The following EEF1AKMT2 variants were observed in gnomAD, a reference collection of about 807,000 sequenced individuals.
The protein encoded by EEF1AKMT2 is EEF1A lysine methyltransferase 2.
EEF1AKMT2 carries 32 observed loss-of-function variants against 35.8 expected under a neutral mutation model. The ratio of observed to expected loss-of-function variants is 0.89; its 90% CI spans 0.67 to 1.20. The LOEUF is 1.20. Ranked by LOEUF, EEF1AKMT2 falls within the 50% of genes most tolerant of loss-of-function variation. The pLI is 0.00. For synonymous variants in EEF1AKMT2, 121 were observed against 133.7 expected (o/e 0.91, Z 0.65); for missense variants, 330 against 347.5 (o/e 0.95, Z 0.40).
chr10:124,769,231 A>AT (rs1259845748), intron 4 of EEF1AKMT2, among the ~76,000 whole-genome samples: 3 of 11,274 alleles, frequency 2.7e-4, no homozygotes, highest in African/African-American at 3.2e-4. Context: ...AAAAAAAAAA[A>AT]AAATATATAT....
At chr10:124,791,684 G>T (rs1950635991) in intron 1 of EEF1AKMT2, 40 bp downstream of exon 1, 3 of 1,547,698 alleles carry the variant, frequency 1.9e-6, no homozygotes, top group African/African-American at 2.7e-5. Context: ...CCCAGGCAGG[G>T]CGGCACGGCT....
chr10:124,783,344 A>G (rs1409209256), intron 3 of EEF1AKMT2, among the ~76,000 whole-genome samples: 1 of 152,040 alleles, frequency 6.6e-6, no homozygotes, highest in African/African-American at 2.4e-5. Flanking sequence ...GGGTTTCACC[A>G]TGATGGCCAG....
intron 4 of EEF1AKMT2, among the ~76,000 whole-genome samples, chr10:124,772,801 C>A (rs565990468): frequency 1.4e-4 from 22 of 152,174 alleles, no homozygotes; most frequent in Non-Finnish European, 2.8e-4. Flanking sequence ...AGCTTCTTCA[C>A]CTCTCTCAGC....
intron 6 of EEF1AKMT2, among the ~76,000 whole-genome samples, chr10:124,760,846 G>A (rs548558792): frequency 6.6e-6 from 1 of 152,294 alleles, no homozygotes; most frequent in South Asian, 2.1e-4. Flanking sequence ...GTAGGAAGCA[G>A]CTAGCATGTG....
At position 124,774,489 on chromosome 10, in the gene EEF1AKMT2, T is replaced by C. The variant is rs945669123; in HGVS notation, c.399+186A>G. Reference sequence around the variant, plus strand: ...AGGAGCAGTAGTGTATGAACAAACATACAGAAGAAAAAATAATTTCCCCAA... The same window carrying C: ...AGGAGCAGTAGTGTATGAACAAACACACAGAAGAAAAAATAATTTCCCCAA... On this transcript the variant is annotated intron_variant, in intron 4 of 6. Coordinates refer to ENST00000368836, the MANE Select transcript of EEF1AKMT2 (RefSeq NM_212554.4). 8.4e-5 allele frequency among the ~76,000 whole-genome samples: 12 copies of C among 142,358 alleles called. 1 individual carries two copies. Among genetic ancestry groups the C allele is most frequent in the African/African-American group, 3.1e-4 (12 of 38,540 alleles). 93.4% of individuals were successfully genotyped at this position (142,358 alleles called of 152,430 possible).
intron 1 of EEF1AKMT2, among the ~76,000 whole-genome samples, chr10:124,791,156 C>T (rs1193457897): frequency 6.6e-6 from 1 of 152,166 alleles, no homozygotes; most frequent in Non-Finnish European, 1.5e-5. Context: ...CTCTCCCCAA[C>T]TGTTCCCTGC....
At chr10:124,787,433 CAA>C (rs398015024) in intron 3 of EEF1AKMT2, among the ~76,000 whole-genome samples, 2 of 37,426 alleles carry the variant, frequency 5.3e-5, no homozygotes, top group African/African-American at 1.4e-4. Flanking sequence ...GACTCTGTCT[CAA>C]AAAAAAAAAA....
At chr10:124,760,531 T>C (rs1305353638) in intron 6 of EEF1AKMT2, 28 bp from the exon 7 acceptor site, 1 of 1,574,712 alleles carries the variant, frequency 6.4e-7, no homozygotes, top group African/African-American at 1.3e-5. Context: ...AATACTTTTA[T>C]TAAGAATTGA....
rs142443415 is a variant in EEF1AKMT2, at chr10:124,777,968, C to T, written c.292-3186G>A. 1.5e-4 allele frequency among the ~76,000 whole-genome samples: 22 copies of T among 151,630 alleles called. No homozygotes were observed. In the East Asian group the frequency reaches 3.1e-3, roughly 21 times the overall value. ...TATATATACATACACACACACACAACCCTCTATATCCACAGGGGTTCGAGA... is the reference window on the plus strand; with the variant it reads ...TATATATACATACACACACACACAATCCTCTATATCCACAGGGGTTCGAGA... On this transcript the variant is annotated intron_variant, in intron 3 of 6. Coordinates refer to ENST00000368836, the MANE Select transcript of EEF1AKMT2 (RefSeq NM_212554.4).
At chr10:124,768,061 G>GAACCAA (rs1292600942) in intron 4 of EEF1AKMT2, among the ~76,000 whole-genome samples, 1 of 152,198 alleles carries the variant, frequency 6.6e-6, no homozygotes, top group Non-Finnish European at 1.5e-5. Context: ...TTATGAGAAT[G>GAACCAA]AACCAAACAT....
At chr10:124,781,804 G>C (rs1186566219) in intron 3 of EEF1AKMT2, among the ~76,000 whole-genome samples, 1 of 148,900 alleles carries the variant, frequency 6.7e-6, no homozygotes. Flanking sequence ...TAAATATCTA[G>C]GTGAATATAA....
chr10:124,761,105 T>C (rs891129170), intron 6 of EEF1AKMT2, among the ~76,000 whole-genome samples: 1 of 152,218 alleles, frequency 6.6e-6, no homozygotes, highest in Non-Finnish European at 1.5e-5. Context: ...TGATCTCAAG[T>C]GATCCACCCA....
At chr10:124,779,843 C>A (rs1235073786) in intron 3 of EEF1AKMT2, among the ~76,000 whole-genome samples, 1 of 144,260 alleles carries the variant, frequency 6.9e-6, no homozygotes, top group Non-Finnish European at 1.5e-5. Flanking sequence ...TGGGTGGATC[C>A]TGAGGTCAGG....
Position 124,772,420 on chromosome 10 carries a change from C to CT in EEF1AKMT2, c.399+2254dup, listed in dbSNP as rs59707540. Reference sequence around the variant, plus strand: ...CATGGAGATGGCTTCTTTTCTTTTTCTTTTTTTTTTTTTTTTTTTTTTTTT... The same window carrying CT: ...CATGGAGATGGCTTCTTTTCTTTTTCTTTTTTTTTTTTTTTTTTTTTTTTTT... On this transcript the variant is annotated intron_variant, in intron 4 of 6. Transcript: ENST00000368836. Among the ~76,000 whole-genome samples the CT allele has an allele frequency of 5.0e-3, 379 of 75,416 alleles. 19 individuals are homozygous for CT. The highest frequency in any genetic ancestry group is 0.027 in the Middle Eastern group (2 of 74). 49.5% of individuals were successfully genotyped at this position (75,416 alleles called of 152,430 possible). A position where few individuals can be genotyped will look rare whatever the true frequency, so the allele number is the denominator to read the frequency against.
intron 4 of EEF1AKMT2, among the ~76,000 whole-genome samples, chr10:124,768,002 A>G (rs1950394427): frequency 6.6e-6 from 1 of 152,190 alleles, no homozygotes; most frequent in African/African-American, 2.4e-5. Context: ...ATAAAAACAA[A>G]TAAATAAATA....
At chr10:124,770,471 A>C (rs556263160) in intron 4 of EEF1AKMT2, among the ~76,000 whole-genome samples, 73 of 152,300 alleles carry the variant, frequency 4.8e-4, no homozygotes, top group African/African-American at 1.8e-3. Context: ...CATCGAAATC[A>C]TGAGTAAGTC....
At chr10:124,779,817 C>T (rs1333327042) in intron 3 of EEF1AKMT2, among the ~76,000 whole-genome samples, 1 of 146,734 alleles carries the variant, frequency 6.8e-6, no homozygotes, top group African/African-American at 2.5e-5. Flanking sequence ...AATCCCAGCA[C>T]TCTTGGAGGC....
chr10:124,761,744 C>T (rs962809559), intron 6 of EEF1AKMT2, among the ~76,000 whole-genome samples: 3 of 152,084 alleles, frequency 2.0e-5, no homozygotes, highest in Non-Finnish European at 2.9e-5. Flanking sequence ...GGCAACATGG[C>T]GAAACCCCAT....
At chr10:124,766,725 A>T (rs1402199551) in intron 4 of EEF1AKMT2, among the ~76,000 whole-genome samples, 1 of 152,202 alleles carries the variant, frequency 6.6e-6, no homozygotes, top group Non-Finnish European at 1.5e-5. Context: ...TTATACCTGA[A>T]GCAAAATAAT....
Sources: gnomAD v4.1 joint callset for allele counts (sites outside exome capture counted in the v4.1 genomes callset) on GRCh38, gnomAD v4.1.1 for gene constraint, MANE v1.5 for transcripts, NCBI Gene and HGNC (gene_info 2026-07-23, HGNC 2026-07-21) for gene names.